Variants in TTC29 observed in about 807,000 individuals in gnomAD.
TTC29 encodes tetratricopeptide repeat domain 29, also known as tetratricopeptide repeat protein 29.
In TTC29, 49 loss-of-function variants were observed where a neutral mutation model predicts 58.1. That is an observed-to-expected ratio of 0.84 (90% CI 0.67 to 1.07). The LOEUF (loss-of-function observed/expected upper bound fraction) is 1.07, where lower values mean the gene tolerates loss of function less well. TTC29 is among the 50% of genes least tolerant of loss of function. The pLI is 0.00. For synonymous variants in TTC29, 209 were observed against 196.8 expected (o/e 1.06, Z -0.52); for missense variants, 582 against 555.6 (o/e 1.05, Z -0.48).
At chr4:146,719,758 C>T (rs1471580188) in intron 11 of TTC29, among the ~76,000 whole-genome samples, 1 of 151,972 alleles carries the variant, frequency 6.6e-6, no homozygotes, top group Non-Finnish European at 1.5e-5. Context: ...CTAGGGTTTC[C>T]ATCATGTAAG....
At chr4:146,718,563 G>T (rs1170353382) in intron 11 of TTC29, among the ~76,000 whole-genome samples, 2 of 152,052 alleles carry the variant, frequency 1.3e-5, no homozygotes, top group Admixed American at 1.3e-4. Flanking sequence ...TAGACCATTT[G>T]CTTTCTTTCT....
chr4:146,827,232 T>TGCTG (rs1727870614), intron 9 of TTC29, among the ~76,000 whole-genome samples: 1 of 152,146 alleles, frequency 6.6e-6, no homozygotes, highest in African/African-American at 2.4e-5. Flanking sequence ...TCTCCGTGGG[T>TGCTG]CCTGCCTGCC....
chr4:146,857,292 G>GTGTGTGTGTGTGTGTGTGTGTGTC, intron 8 of TTC29, among the ~76,000 whole-genome samples: 1 of 151,936 alleles, frequency 6.6e-6, no homozygotes, highest in Admixed American at 6.6e-5. Flanking sequence ...GTGTGTGTGT[G>GTGTGTGTGTGTGTGTGTGTGTGTC]TGTGTGGAGG....
chr4:146,941,670 G>A (rs1158068701), intron 2 of TTC29, among the ~76,000 whole-genome samples: 3 of 152,154 alleles, frequency 2.0e-5, no homozygotes, highest in Non-Finnish European at 4.4e-5. Context: ...TCCCAATAGT[G>A]TAATGTCTTG....
intron 6 of TTC29, among the ~76,000 whole-genome samples, chr4:146,896,731 C>T (rs984624395): frequency 1.3e-4 from 20 of 152,198 alleles, no homozygotes; most frequent in African/African-American, 4.1e-4. Flanking sequence ...AATTTGAGAT[C>T]GTTATTCAAG....
At chr4:146,894,119 T>C (rs891344069) in intron 6 of TTC29, among the ~76,000 whole-genome samples, 1 of 152,160 alleles carries the variant, frequency 6.6e-6, no homozygotes, top group Admixed American at 6.5e-5. Flanking sequence ...GAAGTCAATA[T>C]GGCGATTCCT....
chr4:146,844,715 G>A (rs6841609), intron 8 of TTC29, among the ~76,000 whole-genome samples: 6,783 of 152,166 alleles, frequency 0.045, 459 homozygotes, highest in African/African-American at 0.15. Flanking sequence ...GAAATCCATT[G>A]GAGATCTTGG....
chr4:146,803,128 A>G (rs1032107997), intron 11 of TTC29, among the ~76,000 whole-genome samples: 3 of 152,184 alleles, frequency 2.0e-5, no homozygotes, highest in Non-Finnish European at 4.4e-5. Flanking sequence ...AACATGGCGC[A>G]TGCTAAAAAA....
At chr4:146,861,670 AT>A (rs1730240720) in intron 8 of TTC29, among the ~76,000 whole-genome samples, 1 of 152,208 alleles carries the variant, frequency 6.6e-6, no homozygotes, top group Non-Finnish European at 1.5e-5. Context: ...TTACTGATAA[AT>A]TAAAGCCTTT....
At chr4:146,773,968 T>C (rs1481350355) in intron 11 of TTC29, among the ~76,000 whole-genome samples, 3 of 152,142 alleles carry the variant, frequency 2.0e-5, no homozygotes, top group African/African-American at 7.2e-5. Context: ...TGGTTCAATA[T>C]TGGGAAGCTG....
At chr4:146,774,370 A>G (rs1747943495) in intron 11 of TTC29, among the ~76,000 whole-genome samples, 1 of 152,140 alleles carries the variant, frequency 6.6e-6, no homozygotes, top group South Asian at 2.1e-4. Flanking sequence ...TGTTCAGCCT[A>G]TAAACTTCCC....
rs538384587 is a variant in TTC29 at position 146,759,027 on chromosome 4, C to T, written c.1330+44430G>A. ...TAAATGAAATTGAAATAAAAAAATA[C>T]AAAACATAAAGGAAACAAAGAGCTG... On this transcript the variant is annotated intron_variant, in intron 11 of 12. Coordinates refer to ENST00000325106, the MANE Select transcript of TTC29 (RefSeq NM_031956.4). 2.3e-3 allele frequency among the ~76,000 whole-genome samples: 351 copies of T among 151,948 alleles called. 4 individuals carry two copies. The highest frequency in any genetic ancestry group is 8.2e-3 in the African/African-American group (342 of 41,492).
chr4:146,737,153 AC>A (rs1413034197), intron 11 of TTC29, among the ~76,000 whole-genome samples: 1 of 152,176 alleles, frequency 6.6e-6, no homozygotes, highest in African/African-American at 2.4e-5. Flanking sequence ...TTGGGTTTTT[AC>A]TGGGCAGTGA....
At chr4:146,764,978 GTTAACT>G (rs754218281) in intron 11 of TTC29, among the ~76,000 whole-genome samples, 6 of 151,982 alleles carry the variant, frequency 3.9e-5, no homozygotes, top group Non-Finnish European at 5.9e-5. Flanking sequence ...GTACAGCCTT[GTTAACT>G]TTAAGTTTAG....
At chr4:146,831,134 A>T (rs142965283) in intron 9 of TTC29, among the ~76,000 whole-genome samples, 1 of 152,332 alleles carries the variant, frequency 6.6e-6, no homozygotes, top group African/African-American at 2.4e-5. Flanking sequence ...TTTCACTATG[A>T]CCTCAGAATA....
In TTC29 at chr4:146,909,218, C is replaced by T; in HGVS notation, c.208G>A (p.Val70Met). 1 of 1,613,350 alleles carries T rather than the reference C, an allele frequency of 6.2e-7. No individual in the cohort carries two copies. The highest frequency in any genetic ancestry group is 1.1e-5 in the South Asian group (1 of 91,044). The change falls in exon 5 of 13, where the codon GTG (valine) becomes ATG (methionine). Residue 70 changes from valine (V) to methionine (M), a missense_variant. By Grantham distance (21) the Val-to-Met change is conservative. Coordinates refer to ENST00000325106, the MANE Select transcript of TTC29 (RefSeq NM_031956.4). ...YRNSYKKNIC[V>M]DMLRDGYHKS... ...TGATAACCATCTCGCAGCATGTCCACACAGATATTCTTCTTGTAGGAGTTC... is the reference window on the plus strand; with the variant it reads ...TGATAACCATCTCGCAGCATGTCCATACAGATATTCTTCTTGTAGGAGTTC...
At chr4:146,712,399 G>C (rs1472800565) in intron 11 of TTC29, among the ~76,000 whole-genome samples, 1 of 152,142 alleles carries the variant, frequency 6.6e-6, no homozygotes, top group African/African-American at 2.4e-5. Context: ...TGTGTTCCCA[G>C]GAGTGATGAT....
At chr4:146,908,433 AC>A (rs1733672536) in intron 5 of TTC29, among the ~76,000 whole-genome samples, 1 of 152,210 alleles carries the variant, frequency 6.6e-6, no homozygotes, top group Admixed American at 6.5e-5. Flanking sequence ...TGGAATGTAT[AC>A]TAACTTTCTG....
At chr4:146,813,097 T>TA (rs1361518688) in intron 10 of TTC29, 5 of 152,220 alleles carry the variant, frequency 3.3e-5, no homozygotes, top group Non-Finnish European at 7.3e-5. Flanking sequence ...ATTATTACAT[T>TA]ATAACATAGA....
Sources: gnomAD v4.1 joint callset for allele counts (sites outside exome capture counted in the v4.1 genomes callset) on GRCh38, gnomAD v4.1.1 for gene constraint, MANE v1.5 for transcripts, NCBI Gene and HGNC (gene_info 2026-07-23, HGNC 2026-07-21) for gene names.